Variants in SGSM1 observed in about 807,000 individuals in gnomAD.
SGSM1 encodes the protein RUN and TBC1 domain containing 2.
Under a neutral mutation model 133.8 loss-of-function variants are expected in SGSM1, and 73 were observed. That is an observed-to-expected ratio of 0.55 (90% CI 0.45 to 0.66). SGSM1 has a LOEUF of 0.66. Ranked by LOEUF, SGSM1 falls within the 30% of genes least tolerant of loss-of-function variation. The pLI, the probability that SGSM1 is intolerant of heterozygous loss-of-function variation, is 0.00. For missense variants in SGSM1, 1,213 were observed against 1,448.1 expected, an observed-to-expected ratio of 0.84 and a Z score of 2.64; for synonymous variants, 563 against 573.0, an observed-to-expected ratio of 0.98 and a Z score of 0.25.
intron 24 of SGSM1, among the ~76,000 whole-genome samples, chr22:24,921,423 T>A (rs531483452): frequency 6.6e-6 from 1 of 152,254 alleles, no homozygotes; most frequent in African/African-American, 2.4e-5. Flanking sequence ...AACTACAAAA[T>A]ATATCTCAAG....
At chr22:24,886,890 C>T (rs1932639055) in intron 16 of SGSM1, among the ~76,000 whole-genome samples, 162 bp downstream of exon 16, 1 of 152,180 alleles carries the variant, frequency 6.6e-6, no homozygotes, top group African/African-American at 2.4e-5. Context: ...ATAACACAAG[C>T]CACATAGGCA....
At chr22:24,901,354 C>T (rs1933155622) in intron 19 of SGSM1, 1 of 152,250 alleles carries the variant, frequency 6.6e-6, no homozygotes, top group Non-Finnish European at 1.5e-5. Context: ...GAGCAAAAAC[C>T]AATCAAATCT....
At position 24,895,271 on chromosome 22, in the gene SGSM1, G is replaced by A. The variant is rs990903907; in HGVS notation, c.2002G>A (p.Asp668Asn). Reference sequence around the variant, plus strand: ...CCGCCAGAACATCCGCCTGCACAGCGACTCCAGCAGCAGCACACAGGTGAC... The same window carrying A: ...CCGCCAGAACATCCGCCTGCACAGCAACTCCAGCAGCAGCACACAGGTGAC... ...SGRQNIRLHS[D>N]SSSSTQVFES... Residue 668 changes from aspartate to asparagine, a missense_variant, in exon 18 of 25, where the codon GAC becomes AAC. By Grantham distance (23) the Asp-to-Asn change is conservative (BLOSUM62 1). Transcript: ENST00000400358. 7 of 1,611,858 alleles carry A rather than the reference G, an allele frequency of 4.3e-6. No homozygotes were observed. The highest frequency in any genetic ancestry group is 1.1e-5 in the South Asian group (1 of 90,338).
chr22:24,822,106 T>TC (rs1928511757), intron 2 of SGSM1, among the ~76,000 whole-genome samples: 2 of 147,822 alleles, frequency 1.4e-5, no homozygotes. Flanking sequence ...TTTTTTTTTT[T>TC]TTGAGACAGA....
intron 12 of SGSM1, 94 bp from the exon 13 acceptor site, chr22:24,876,483 G>A: frequency 6.6e-7 from 1 of 1,510,338 alleles, no homozygotes. Context: ...GTGCTGGCTG[G>A]GGCGGGTGAG....
chr22:24,890,148 G>C (rs1932787190), intron 16 of SGSM1, among the ~76,000 whole-genome samples: 1 of 151,866 alleles, frequency 6.6e-6, no homozygotes, highest in African/African-American at 2.4e-5. Flanking sequence ...AGCAGAGACA[G>C]GGTTTTACCG....
rs368486902 is a variant in SGSM1, at chr22:24,884,120, C to T, written c.1563C>T (p.Ile521=). ...THLSALVNHM[I]VSPDLPCDAG... ...TATCAGCCCTGGTCAATCACATGATCGTGTCTCCAGACTTGCCCTGCGATG... is the reference window on the plus strand; with the variant it reads ...TATCAGCCCTGGTCAATCACATGATTGTGTCTCCAGACTTGCCCTGCGATG... The change falls in exon 15 of 25, where the codon ATC becomes ATT. Residue 521 remains isoleucine (I), a synonymous_variant. Coordinates refer to ENST00000400358, the MANE Select transcript of SGSM1 (RefSeq NM_001098497.3). 5.6e-6 allele frequency: 9 copies of T among 1,613,802 alleles called. No individual in the cohort carries two copies. Among genetic ancestry groups the T allele is most frequent in the South Asian group, 1.1e-5 (1 of 91,026 alleles).
chr22:24,907,880 C>G (rs187170247), intron 21 of SGSM1, among the ~76,000 whole-genome samples: 1 of 129,614 alleles, frequency 7.7e-6, no homozygotes, highest in East Asian at 2.6e-4. Context: ...CCACTGCACT[C>G]CAGCCTAGGT....
At chr22:24,875,573 G>A (rs577249017) in intron 12 of SGSM1, among the ~76,000 whole-genome samples, 3 of 151,536 alleles carry the variant, frequency 2.0e-5, no homozygotes, top group Non-Finnish European at 4.4e-5. Context: ...CCAGGAGGCG[G>A]AGCTTGCAGT....
intron 9 of SGSM1, among the ~76,000 whole-genome samples, chr22:24,860,914 A>ATAT (rs1324268163): frequency 1.4e-3 from 132 of 95,742 alleles, no homozygotes; most frequent in African/African-American, 2.4e-3. Context: ...AAAAAAAAAA[A>ATAT]AAAAAAAAAT....
At chr22:24,837,404 GCCAGGTGTA>G (rs961015530) in intron 2 of SGSM1, among the ~76,000 whole-genome samples, 7 of 152,204 alleles carry the variant, frequency 4.6e-5, no homozygotes, top group Admixed American at 3.3e-4. Flanking sequence ...AGAAGGCAGA[GCCAGGTGTA>G]CAGGATGAAA....
chr22:24,872,967 A>T (rs2147880831), intron 12 of SGSM1, among the ~76,000 whole-genome samples: 1 of 145,904 alleles, frequency 6.9e-6, no homozygotes, highest in South Asian at 2.2e-4. Context: ...CTCAATTGTA[A>T]TTTTTTTTTT....
rs916192553 is a variant in SGSM1, at chr22:24,914,247, G to A, written c.2928+1495G>A. Among the ~76,000 whole-genome samples, 35 of 148,826 alleles carry A rather than the reference G, an allele frequency of 2.4e-4. No individual in the cohort carries two copies. The Middle Eastern group carries it at 0.011, about 46-fold the overall frequency. ...GGCAGAGCTTGCAGTGAGCTGAGATGGCGCCACTGCACTCCAGCCTGGGCG... is the reference window on the plus strand; with the variant it reads ...GGCAGAGCTTGCAGTGAGCTGAGATAGCGCCACTGCACTCCAGCCTGGGCG... On this transcript the variant is annotated intron_variant, in intron 22 of 24. Coordinates refer to ENST00000400358, the MANE Select transcript of SGSM1 (RefSeq NM_001098497.3).
intron 2 of SGSM1, among the ~76,000 whole-genome samples, chr22:24,837,935 A>G (rs1396415600): frequency 6.6e-6 from 1 of 152,146 alleles, no homozygotes. Context: ...TGGTATAACT[A>G]TTCTTGTTTT....
intron 8 of SGSM1, among the ~76,000 whole-genome samples, chr22:24,858,657 G>T: frequency 8.0e-6 from 1 of 124,886 alleles, no homozygotes; most frequent in Non-Finnish European, 1.7e-5. Flanking sequence ...AAAAAAAAAA[G>T]AAGAAAGACA....
intron 15 of SGSM1, 72 bp from the exon 16 acceptor site, chr22:24,886,528 A>G (rs1932610308): frequency 6.6e-7 from 1 of 1,518,876 alleles, no homozygotes; most frequent in Non-Finnish European, 8.9e-7. Flanking sequence ...ACATGGTGAA[A>G]CCCCATCCCT....
intron 2 of SGSM1, among the ~76,000 whole-genome samples, chr22:24,825,455 A>T (rs780096557): frequency 1.3e-5 from 2 of 152,038 alleles, no homozygotes; most frequent in African/African-American, 2.4e-5. Context: ...TTTGAGACAG[A>T]GTCTCACTCT....
intron 2 of SGSM1, among the ~76,000 whole-genome samples, chr22:24,833,267 T>C (rs1365705088): frequency 6.6e-6 from 1 of 151,738 alleles, no homozygotes. Flanking sequence ...TATAATCATA[T>C]TGGATTAGGA....
In SGSM1 at chr22:24,926,440, A is replaced by G; in HGVS notation, c.*2166A>G. The G allele has an allele frequency of 6.6e-6, 1 of 150,606 alleles. No individual in the cohort carries two copies. The highest frequency in any genetic ancestry group is 2.1e-4 in the East Asian group (1 of 4,786). The allele number at this position is 150,606 out of a possible 1,614,324, so 9.3% of individuals were successfully genotyped here. A position where few individuals can be genotyped will look rare whatever the true frequency, so the allele number is the denominator to read the frequency against. On this transcript the variant is annotated 3_prime_UTR_variant, in exon 25 of 25. Coordinates refer to ENST00000400358, the MANE Select transcript of SGSM1 (RefSeq NM_001098497.3). ...CCCTAGCTTCCCAAGACAGGAAGAAATGTGCAAAAGGCCCCTCCGGAGAAA... is the reference window on the plus strand; with the variant it reads ...CCCTAGCTTCCCAAGACAGGAAGAAGTGTGCAAAAGGCCCCTCCGGAGAAA...
Sources: allele counts gnomAD v4.1 joint callset (sites outside exome capture counted in the v4.1 genomes callset), GRCh38; gene constraint gnomAD v4.1.1; transcripts MANE v1.5; gene names NCBI Gene and HGNC (gene_info 2026-07-23, HGNC 2026-07-21).